Variants in CYP4V2 observed in about 807,000 individuals in gnomAD.
CYP4V2 encodes the protein cytochrome P450 4V2.
CYP4V2 carries 55 observed loss-of-function variants against 60.8 expected under a neutral mutation model. The ratio of observed to expected loss-of-function variants is 0.90; its 90% confidence interval spans 0.73 to 1.13. The LOEUF (loss-of-function observed/expected upper bound fraction) is 1.13, where lower values mean the gene tolerates loss of function less well. Ranked by LOEUF, CYP4V2 falls within the 50% of genes most tolerant of loss-of-function variation. CYP4V2 has a pLI of 0.00. For missense variants in CYP4V2, 675 were observed against 662.9 expected, an observed-to-expected ratio of 1.02 and a Z score of -0.20; for synonymous variants, 239 against 236.8, an observed-to-expected ratio of 1.01 and a Z score of -0.08.
rs1478623280 is a variant in CYP4V2, at chr4:186,206,286, C to T, written c.1090+984C>T. Reference sequence around the variant, plus strand: ...CTTGTGACATACTTGTGATGGCGTTCAGGGCTCACCTGGATAATCTACCCA... The same window carrying T: ...CTTGTGACATACTTGTGATGGCGTTTAGGGCTCACCTGGATAATCTACCCA... On this transcript the variant is annotated intron_variant, in intron 8 of 10. Coordinates refer to ENST00000378802, the MANE Select transcript of CYP4V2 (RefSeq NM_207352.4). 2.6e-5 allele frequency among the ~76,000 whole-genome samples: 4 copies of T among 152,114 alleles called. No homozygotes were observed. In the East Asian group the frequency reaches 7.7e-4, roughly 29 times the overall value.
Position 186,197,395 on chromosome 4 carries a change from G to A in CYP4V2, c.605-138G>A, listed in dbSNP as rs1736182712. The A allele has an allele frequency of 3.1e-6, 3 of 958,158 alleles. No individual in the cohort carries two copies. In the South Asian group the frequency reaches 4.1e-5, roughly 13 times the overall value. 59.4% of individuals were successfully genotyped at this position (958,158 alleles called of 1,614,324 possible). ...AGAAGTGGACCGTACAAGAGAAGAG[G>A]GTAAAGGGAGGAAGAAGAATTCTGA... On this transcript the variant is annotated intron_variant, in intron 4 of 10. Transcript: ENST00000378802.
chr4:186,191,880 G>A lies in CYP4V2; in HGVS notation c.57G>A (p.Ala19=). The change falls in exon 1 of 11, where the codon GCG becomes GCA. Residue 19 remains alanine, a synonymous_variant. Coordinates refer to ENST00000378802, the MANE Select transcript of CYP4V2 (RefSeq NM_207352.4). ...AGAAGCTGCTGCTGTGGGGCGCGGC[G>A]AGTGCCCTTTCCCTGGCCGGCGCCA... ...VWQKLLLWGA[A]SALSLAGASL... is the part of the protein sequence containing the mutation. The A allele has an allele frequency of 1.3e-6, 2 of 1,589,254 alleles. No individual in the cohort carries two copies. Among genetic ancestry groups the A allele is most frequent in the Middle Eastern group, 1.7e-4 (1 of 5,750 alleles).
chr4:186,204,988 C>T (rs545624398), intron 7 of CYP4V2: 183 of 619,706 alleles, frequency 3.0e-4, no homozygotes, highest in Non-Finnish European at 4.6e-4. Flanking sequence ...CACCGTGCGG[C>T]GTGGAACTGC....
Position 186,211,274 on chromosome 4 carries a change from T to A in CYP4V2, c.*633T>A, listed in dbSNP as rs570402120. 1.3e-5 allele frequency: 2 copies of A among 152,366 alleles called. No individual in the cohort carries two copies. The highest frequency in any genetic ancestry group is 1.9e-4 in the East Asian group (1 of 5,176). The allele number at this position is 152,366 out of a possible 1,614,324, so 9.4% of individuals were successfully genotyped here. ...AATCCACAGTCCAATTCCACTTCAA[T>A]TGATAGACCCAAAAAATATAATTTA... On this transcript the variant is annotated 3_prime_UTR_variant, in exon 11 of 11. Coordinates refer to ENST00000378802, the MANE Select transcript of CYP4V2 (RefSeq NM_207352.4).
chr4:186,207,539 AAT>A (rs1205258483), intron 8 of CYP4V2, among the ~76,000 whole-genome samples: 2 of 147,412 alleles, frequency 1.4e-5, no homozygotes. Context: ...AAAATTATAT[AAT>A]ATATAAAATA....
At chr4:186,193,691 G>A (rs192626874) in intron 1 of CYP4V2, among the ~76,000 whole-genome samples, 41 of 152,272 alleles carry the variant, frequency 2.7e-4, no homozygotes, top group Middle Eastern at 3.4e-3. Flanking sequence ...CATTTAGTAA[G>A]GCCCTGCTTT....
chr4:186,195,396 AT>A lies in CYP4V2; in HGVS notation c.328-606del, dbSNP rs1342283135. ...GTTGGTGTGGTGGATGCAGATGGAG[AT>A]CTGTCCAGAGTAGGGGACTTGAGCA... On this transcript the variant is annotated intron_variant, in intron 2 of 10. Coordinates refer to ENST00000378802, the MANE Select transcript of CYP4V2 (RefSeq NM_207352.4). This position sits in a 1 kb window ranked among gnomAD's most constrained non-coding sequence, Gnocchi z 4.1. Among the ~76,000 whole-genome samples the A allele has an allele frequency of 6.6e-6, 1 of 152,114 alleles. No homozygotes were observed. Among genetic ancestry groups the A allele is most frequent in the Non-Finnish European group, 1.5e-5 (1 of 68,014 alleles).
rs963304343 is a variant in CYP4V2, at chr4:186,191,946, G to A, written c.123G>A (p.Ala41=). 1.4e-5 allele frequency: 23 copies of A among 1,590,168 alleles called. No homozygotes were observed. In the East Asian group the frequency reaches 4.8e-4, roughly 33 times the overall value. The part of the protein sequence containing the change: ...LSLLQRVASY[A]RKWQQMRPIP... ...TGCTGCAGAGGGTGGCGAGCTACGC[G>A]CGGAAATGGCAGCAGATGCGGCCCA... The change falls in exon 1 of 11, where the codon GCG becomes GCA. Residue 41 remains alanine, a synonymous_variant. Coordinates refer to ENST00000378802, the MANE Select transcript of CYP4V2 (RefSeq NM_207352.4).
chr4:186,210,011 T>C (rs775306042), intron 10 of CYP4V2, among the ~76,000 whole-genome samples: 1 of 152,234 alleles, frequency 6.6e-6, no homozygotes, highest in Non-Finnish European at 1.5e-5. Flanking sequence ...GGCCAGCTAG[T>C]ACTTAAGCAA....
At chr4:186,192,084 GT>G (rs756285586) in intron 1 of CYP4V2, 47 bp downstream of exon 1, 278 of 1,534,706 alleles carry the variant, frequency 1.8e-4, no homozygotes, top group Non-Finnish European at 2.2e-4. Context: ...CCGCAGCCCC[GT>G]TCCCACCCTC....
At chr4:186,204,285 A>T (rs13131745) in intron 7 of CYP4V2, 39,635 of 122,388 alleles carry the variant, frequency 0.32, 9,294 homozygotes, top group Non-Finnish European at 0.37. Context: ...GGCGGTGGAG[A>T]CGCTACGCTG....
Position 186,191,918 on chromosome 4 carries a change from G to A in CYP4V2, c.95G>A (p.Ser32Asn). 1 of 1,594,160 alleles carries A rather than the reference G, an allele frequency of 6.3e-7. No homozygotes were observed. Among genetic ancestry groups the A allele is most frequent in the Non-Finnish European group, 8.5e-7 (1 of 1,173,662 alleles). ...CTGGCCGGCGCCAGTCTGGTCCTGA[G>A]CCTGCTGCAGAGGGTGGCGAGCTAC... ...LSLAGASLVLSLLQRVASYAR... is the reference protein window; with the variant it reads ...LSLAGASLVLNLLQRVASYAR... The change falls in exon 1 of 11, where the codon AGC (serine) becomes AAC (asparagine). Residue 32 changes from serine (S) to asparagine (N), a missense_variant. Coordinates refer to ENST00000378802, the MANE Select transcript of CYP4V2 (RefSeq NM_207352.4).
rs138297987 is a variant in CYP4V2, at chr4:186,197,068, T to A, written c.542T>A (p.Ile181Asn). ...NILVKKLEKH[I>N]NQEAFNCFFY... ...TTGGTTAAGAAACTTGAAAAACACA[T>A]TAACCAAGAAGCATTTAACTGCTTT... Residue 181 changes from isoleucine (I) to asparagine (N), a missense_variant, in exon 4 of 11, where the codon ATT becomes AAT. Physicochemically the swap from Ile to Asn is moderately radical, Grantham distance 149. Coordinates refer to ENST00000378802, the MANE Select transcript of CYP4V2 (RefSeq NM_207352.4). 18 of 1,613,748 alleles carry A rather than the reference T, an allele frequency of 1.1e-5. No individual in the cohort carries two copies. In the African/African-American group the frequency reaches 2.1e-4, roughly 19 times the overall value.
At chr4:186,204,479 T>C (rs907814582) in intron 7 of CYP4V2, 8 of 150,504 alleles carry the variant, frequency 5.3e-5, no homozygotes, top group African/African-American at 2.6e-4. Context: ...AGGTGGAGCG[T>C]CCTTACTGCA....
Position 186,197,106 on chromosome 4 carries a change from C to G in CYP4V2, c.580C>G (p.Leu194Val). 1.2e-6 allele frequency: 2 copies of G among 1,613,912 alleles called. No homozygotes were observed. Among genetic ancestry groups the G allele is most frequent in the Non-Finnish European group, 1.7e-6 (2 of 1,180,042 alleles). The change falls in exon 4 of 11, where the codon CTT becomes GTT. Residue 194 changes from leucine to valine, a missense_variant. Physicochemically the swap from Leu to Val is conservative, Grantham distance 32. Transcript: ENST00000378802. ...EAFNCFFYITLCALDIICETA... is the reference protein window; with the variant it reads ...EAFNCFFYITVCALDIICETA... Reference sequence around the variant, plus strand: ...ATTTAACTGCTTTTTTTACATCACTCTTTGTGCCTTAGATATCATCTGTGG... The same window carrying G: ...ATTTAACTGCTTTTTTTACATCACTGTTTGTGCCTTAGATATCATCTGTGG...
rs534826180 is a variant in CYP4V2, at chr4:186,191,792, CG to C, written c.-30del. The C allele has an allele frequency of 1.7e-4, 250 of 1,500,596 alleles. No individual in the cohort carries two copies. Among genetic ancestry groups the C allele is most frequent in the Middle Eastern group, 1.6e-3 (7 of 4,320 alleles). 93.0% of individuals were successfully genotyped at this position (1,500,596 alleles called of 1,614,324 possible). A position where few individuals can be genotyped will look rare whatever the true frequency, so the allele number is the denominator to read the frequency against. ...ACGCCCCCGCGGGCCCGCACTTTCCCGGAGTGCACCCCGCGGCCGCCAGCCG... is the reference window on the plus strand; with the variant it reads ...ACGCCCCCGCGGGCCCGCACTTTCCCGAGTGCACCCCGCGGCCGCCAGCCG... On this transcript the variant is annotated 5_prime_UTR_variant, in exon 1 of 11. Transcript: ENST00000378802.
chr4:186,213,215 T>C lies in CYP4V2; in HGVS notation c.*2574T>C, dbSNP rs1467309414. ...GACAGAGTAGGAATTGAGAAATTATTTCATATGCTACAGTATTGAAATGTG... is the reference window on the plus strand; with the variant it reads ...GACAGAGTAGGAATTGAGAAATTATCTCATATGCTACAGTATTGAAATGTG... On this transcript the variant is annotated 3_prime_UTR_variant, in exon 11 of 11. Transcript: ENST00000378802. The C allele has an allele frequency of 6.6e-6, 1 of 152,228 alleles. No individual in the cohort carries two copies. Among genetic ancestry groups the C allele is most frequent in the Non-Finnish European group, 1.5e-5 (1 of 68,048 alleles). 9.4% of individuals were successfully genotyped at this position (152,228 alleles called of 1,614,324 possible). A position where few individuals can be genotyped will look rare whatever the true frequency, so the allele number is the denominator to read the frequency against.
At chr4:186,198,904 A>C in intron 5 of CYP4V2, 53 bp from the exon 6 acceptor site, 1 of 1,612,694 alleles carries the variant, frequency 6.2e-7, no homozygotes, top group Non-Finnish European at 8.5e-7. Flanking sequence ...AGAAGTGCTC[A>C]AGAAATACAC....
At chr4:186,205,821 C>A (rs1252241130) in intron 8 of CYP4V2, among the ~76,000 whole-genome samples, 1 of 152,156 alleles carries the variant, frequency 6.6e-6, no homozygotes, top group African/African-American at 2.4e-5. Flanking sequence ...CCCAGCCATC[C>A]CTACCATCTT....
Sources: gnomAD v4.1 joint callset for allele counts (sites outside exome capture counted in the v4.1 genomes callset) on GRCh38, gnomAD v4.1.1 for gene constraint, Gnocchi (gnomAD v3.1) non-coding constraint, MANE v1.5 for transcripts, NCBI Gene and HGNC (gene_info 2026-07-23, HGNC 2026-07-21) for gene names.